The following ARHGEF10L variants were observed in gnomAD, a reference collection of about 807,000 sequenced individuals.
ARHGEF10L encodes Rho guanine nucleotide exchange factor 10 like, also known as rho guanine nucleotide exchange factor 10-like protein.
ARHGEF10L carries 69 observed loss-of-function variants against 141.2 expected under a neutral mutation model. The observed-to-expected ratio is 0.49, with a 90% CI of 0.40 to 0.60. The LOEUF (loss-of-function observed/expected upper bound fraction) is 0.60, where lower values mean the gene tolerates loss of function less well. Ranked by LOEUF, ARHGEF10L falls within the 20% of genes least tolerant of loss-of-function variation. The pLI is 0.00. For synonymous variants in ARHGEF10L, 711 were observed against 718.5 expected (o/e 0.99, Z 0.17); for missense variants, 1,482 against 1,734.3 (o/e 0.85, Z 2.58).
At chr1:17,542,381 C>A (rs764055030) in intron 1 of ARHGEF10L, among the ~76,000 whole-genome samples, 1 of 152,088 alleles carries the variant, frequency 6.6e-6, no homozygotes, top group African/African-American at 2.4e-5. Flanking sequence ...CCTGGAAGTT[C>A]GAGGCTGCAG....
At chr1:17,550,742 A>G (rs1007068850) in intron 1 of ARHGEF10L, among the ~76,000 whole-genome samples, 1 of 151,902 alleles carries the variant, frequency 6.6e-6, no homozygotes, top group Non-Finnish European at 1.5e-5. Flanking sequence ...CTTAACATAT[A>G]AAGGGGACAG....
chr1:17,526,308 G>C, the ARHGEF10L span, among the ~76,000 whole-genome samples: 4 of 152,208 alleles, frequency 2.6e-5, no homozygotes, highest in African/African-American at 9.6e-5. Flanking sequence ...CCTGCCCCTA[G>C]TCTGTGTGGC....
At position 17,635,010 on chromosome 1, in the gene ARHGEF10L, G is replaced by A; in HGVS notation, c.1921G>A (p.Ala641Thr). 2 of 1,614,006 alleles carry A rather than the reference G, an allele frequency of 1.2e-6. No homozygotes were observed. The highest frequency in any genetic ancestry group is 1.7e-6 in the Non-Finnish European group (2 of 1,179,924). Residue 641 changes from alanine (A) to threonine (T), a missense_variant, in exon 18 of 29, where the codon GCT (alanine) becomes ACT (threonine). Ala to Thr is a moderately conservative substitution (Grantham distance 58). Coordinates refer to ENST00000361221, the MANE Select transcript of ARHGEF10L (RefSeq NM_018125.4). ...GAKKASASGQAQNKVYLGPPR... is the reference protein window; with the variant it reads ...GAKKASASGQTQNKVYLGPPR... ...CAAGAAGGCCTCTGCCTCAGGGCAG[G>A]CTCAGAGTGAGTACCCCCTCTCTGT...
At position 17,656,169 on chromosome 1, in the gene ARHGEF10L, C is replaced by T; in HGVS notation, c.2705+67C>T. On this transcript the variant is annotated intron_variant, in intron 24 of 28. Transcript: ENST00000361221. This position sits in a 1 kb window ranked among gnomAD's most constrained non-coding sequence, Gnocchi z 4.9. ...GCTGGGCAGTGGGTGGGGGCTGTCCCTGTAGCCTTCCGGATCTGCCTGTTG... is the reference window on the plus strand; with the variant it reads ...GCTGGGCAGTGGGTGGGGGCTGTCCTTGTAGCCTTCCGGATCTGCCTGTTG... 15 of 1,489,648 alleles carry T rather than the reference C, an allele frequency of 1.0e-5. No individual in the cohort carries two copies. Among genetic ancestry groups the T allele is most frequent in the Non-Finnish European group, 1.4e-5 (15 of 1,100,746 alleles). 92.3% of individuals were successfully genotyped at this position (1,489,648 alleles called of 1,614,324 possible). A position where few individuals can be genotyped will look rare whatever the true frequency, so the allele number is the denominator to read the frequency against.
At chr1:17,634,810 G>A in intron 17 of ARHGEF10L, 25 bp from the exon 18 acceptor site, 1 of 1,596,446 alleles carries the variant, frequency 6.3e-7, no homozygotes, top group Non-Finnish European at 8.5e-7. Flanking sequence ...GCCTCTCCAG[G>A]GCCTTGTCCT....
intron 25 of ARHGEF10L, 100 bp from the exon 26 acceptor site, chr1:17,664,347 G>T: frequency 7.5e-7 from 1 of 1,337,486 alleles, no homozygotes; most frequent in Non-Finnish European, 1.0e-6. Context: ...CGGGGAGAGG[G>T]TGTGGGGGGC....
chr1:17,567,570 G>A (rs2077813159), intron 1 of ARHGEF10L, among the ~76,000 whole-genome samples: 1 of 152,142 alleles, frequency 6.6e-6, no homozygotes, highest in Admixed American at 6.6e-5. Flanking sequence ...GTTTTACCAT[G>A]TTGGTCAGAC....
intron 26 of ARHGEF10L, among the ~76,000 whole-genome samples, chr1:17,678,488 C>T (rs551661957): frequency 3.4e-5 from 5 of 145,952 alleles, no homozygotes; most frequent in East Asian, 4.1e-4. Context: ...GGCGTGATCT[C>T]GGCTCACTGC....
the ARHGEF10L span, among the ~76,000 whole-genome samples, chr1:17,520,740 T>G: frequency 6.6e-6 from 1 of 152,212 alleles, no homozygotes; most frequent in East Asian, 1.9e-4. Flanking sequence ...AGAGGTGGAC[T>G]GCAAGGGCGT....
rs2101386136 is a variant in ARHGEF10L, at chr1:17,619,813, A to C, written c.942+368A>C. Among the ~76,000 whole-genome samples, 1 of 152,234 alleles carries C rather than the reference A, an allele frequency of 6.6e-6. No homozygotes were observed. ...TGAGGCTGCAGGTGTGTAGGTGCCCAGTCCCTGCCATCTGTCCACCTGTCC... is the reference window on the plus strand; with the variant it reads ...TGAGGCTGCAGGTGTGTAGGTGCCCCGTCCCTGCCATCTGTCCACCTGTCC... On this transcript the variant is annotated intron_variant, in intron 10 of 28. Coordinates refer to ENST00000361221, the MANE Select transcript of ARHGEF10L (RefSeq NM_018125.4). The surrounding 1 kb of genome is among the most constrained non-coding windows in gnomAD (Gnocchi z 5.0).
intron 2 of ARHGEF10L, among the ~76,000 whole-genome samples, chr1:17,585,782 C>T (rs112457391): frequency 0.012 from 1,858 of 152,270 alleles, 40 homozygotes; most frequent in African/African-American, 0.042. Context: ...ACCATCTGCC[C>T]ATCTCTCTGT....
the ARHGEF10L span, among the ~76,000 whole-genome samples, chr1:17,520,347 C>A: frequency 2.0e-5 from 3 of 152,254 alleles, no homozygotes; most frequent in African/African-American, 7.2e-5. Context: ...ACCCTCTGGG[C>A]TCCTGCCTGC....
At chr1:17,666,593 C>A (rs2062989676) in intron 26 of ARHGEF10L, among the ~76,000 whole-genome samples, 1 of 152,130 alleles carries the variant, frequency 6.6e-6, no homozygotes, top group Non-Finnish European at 1.5e-5. Flanking sequence ...AGTGAGACAC[C>A]AACAGGAGGG....
chr1:17,608,010 CAG>C (rs1286675826), intron 7 of ARHGEF10L, 33 bp downstream of exon 7: 1 of 1,327,920 alleles, frequency 7.5e-7, no homozygotes, highest in African/African-American at 1.6e-5. Context: ...TCACCTCAGT[CAG>C]GGCACGGAGA....
At position 17,625,807 on chromosome 1, in the gene ARHGEF10L, A is replaced by G. The variant is rs2060349424; in HGVS notation, c.1318-149A>G. On this transcript the variant is annotated intron_variant, in intron 13 of 28. Coordinates refer to ENST00000361221, the MANE Select transcript of ARHGEF10L (RefSeq NM_018125.4). The surrounding 1 kb of genome is among the most constrained non-coding windows in gnomAD (Gnocchi z 4.5). ...GGGATCCCTGGCTGCAGAACCACGG[A>G]CCTCTCTCAGCTCTTCTTGCAAGCC... 1.5e-6 allele frequency: 1 copy of G among 671,324 alleles called. No individual in the cohort carries two copies. Among genetic ancestry groups the G allele is most frequent in the East Asian group, 2.7e-5 (1 of 37,186 alleles). 41.6% of individuals were successfully genotyped at this position (671,324 alleles called of 1,614,324 possible). A position where few individuals can be genotyped will look rare whatever the true frequency, so the allele number is the denominator to read the frequency against.
chr1:17,587,290 C>T (rs889048487), intron 2 of ARHGEF10L, among the ~76,000 whole-genome samples, 170 bp from the exon 3 acceptor site: 11 of 152,204 alleles, frequency 7.2e-5, no homozygotes, highest in African/African-American at 1.7e-4. Context: ...CCCCTCCCCC[C>T]GGCCTTACCA....
At chr1:17,688,094 C>T (rs1200962541) in intron 27 of ARHGEF10L, among the ~76,000 whole-genome samples, 1 of 152,220 alleles carries the variant, frequency 6.6e-6, no homozygotes, top group Non-Finnish European at 1.5e-5. Flanking sequence ...CCAGGTTGAC[C>T]AAACACCCAA....
At chr1:17,524,630 A>G in the ARHGEF10L span, among the ~76,000 whole-genome samples, 1 of 152,138 alleles carries the variant, frequency 6.6e-6, no homozygotes, top group Non-Finnish European at 1.5e-5. Flanking sequence ...GAACACAACC[A>G]TGTTCTATTG....
intron 1 of ARHGEF10L, among the ~76,000 whole-genome samples, chr1:17,564,695 A>G (rs924524036): frequency 1.3e-5 from 2 of 152,202 alleles, no homozygotes; most frequent in African/African-American, 2.4e-5. Context: ...CCTAACCTGT[A>G]AAAGGGAATG....
Sources: gnomAD v4.1 joint callset for allele counts (sites outside exome capture counted in the v4.1 genomes callset) on GRCh38, gnomAD v4.1.1 for gene constraint, Gnocchi (gnomAD v3.1) non-coding constraint, MANE v1.5 for transcripts, NCBI Gene and HGNC (gene_info 2026-07-23, HGNC 2026-07-21) for gene names.